The following PPP2R2B variants were observed in gnomAD, a reference collection of about 807,000 sequenced individuals.
PPP2R2B encodes protein phosphatase 2 regulatory subunit Bbeta.
In PPP2R2B, 5 loss-of-function variants were observed where a neutral mutation model predicts 46.0. The ratio of observed to expected loss-of-function variants is 0.11; its 90% confidence interval spans 0.06 to 0.23. PPP2R2B has a LOEUF of 0.23. Ranked by LOEUF, PPP2R2B falls within the 10% of genes least tolerant of loss-of-function variation. PPP2R2B has a pLI of 1.00. For missense variants in PPP2R2B, 367 were observed against 575.0 expected (o/e 0.64, Z 3.70); for synonymous variants, 215 against 206.7 (o/e 1.04, Z -0.34).
chr5:146,815,698 C>T (rs1407619941), intron 2 of PPP2R2B, among the ~76,000 whole-genome samples: 1 of 152,228 alleles, frequency 6.6e-6, no homozygotes, highest in Non-Finnish European at 1.5e-5. Context: ...TGGTTTGTGA[C>T]TCCATTTTAA....
At chr5:146,867,919 C>T (rs1246085579) in intron 2 of PPP2R2B, among the ~76,000 whole-genome samples, 3 of 152,290 alleles carry the variant, frequency 2.0e-5, no homozygotes, top group African/African-American at 7.2e-5. Flanking sequence ...TTGGGGCCTT[C>T]CTGGTTTCTG....
At position 146,600,441 on chromosome 5, in the gene PPP2R2B, A is replaced by G. The variant is rs759906165; in HGVS notation, c.810T>C (p.Asp270=). 1.9e-6 allele frequency: 3 copies of G among 1,613,694 alleles called. No individual in the cohort carries two copies. In the East Asian group the frequency reaches 6.7e-5, roughly 36 times the overall value. The change falls in exon 8 of 10, where the codon GAT becomes GAC. Residue 270 remains aspartate (D), a synonymous_variant. Coordinates refer to ENST00000394411, the MANE Select transcript of PPP2R2B (RefSeq NM_181675.4). The part of the protein sequence containing the change: ...RHTKFFEEPE[D]PSNRSFFSEI... Reference sequence around the variant, plus strand: ...CAGAGAAAAATGATCTGTTGCTTGGATCTTCCGGCTCTTCAAAAACTGCAG... The same window carrying G: ...CAGAGAAAAATGATCTGTTGCTTGGGTCTTCCGGCTCTTCAAAAACTGCAG...
chr5:146,945,428 G>A (rs762843900), intron 1 of PPP2R2B, among the ~76,000 whole-genome samples: 2 of 152,102 alleles, frequency 1.3e-5, no homozygotes, highest in Non-Finnish European at 2.9e-5. Flanking sequence ...TTTTATCTTG[G>A]AAAGCAAATA....
intron 2 of PPP2R2B, among the ~76,000 whole-genome samples, chr5:146,860,443 A>ACAC (rs1760917524): frequency 6.6e-6 from 1 of 152,192 alleles, no homozygotes; most frequent in Admixed American, 6.5e-5. Context: ...CACAGAAAAC[A>ACAC]CACCACACTT....
intron 2 of PPP2R2B, among the ~76,000 whole-genome samples, chr5:146,732,419 T>C (rs1477644580): frequency 5.3e-5 from 8 of 152,008 alleles, no homozygotes; most frequent in Non-Finnish European, 1.5e-5. Context: ...TGAAAACCAA[T>C]GGGAGGATGG....
At position 146,589,679 on chromosome 5, in the gene PPP2R2B, A is replaced by C. The variant is rs910775177; in HGVS notation, c.*268T>G. 1 of 416,208 alleles carries C rather than the reference A, an allele frequency of 2.4e-6. No homozygotes were observed. The highest frequency in any genetic ancestry group is 2.0e-5 in the African/African-American group (1 of 50,244). 25.8% of individuals were successfully genotyped at this position (416,208 alleles called of 1,614,324 possible). A position where few individuals can be genotyped will look rare whatever the true frequency, so the allele number is the denominator to read the frequency against. On this transcript the variant is annotated 3_prime_UTR_variant, in exon 10 of 10. Transcript: ENST00000394411. ...CCACCAGAGAAAACTGGGCAATAAA[A>C]GCATCAGAAGTTCAAGTCAACTATG... is the stretch of plus-strand genomic sequence containing the variant.
intron 2 of PPP2R2B, chr5:146,856,596 T>C (rs747500091): frequency 6.3e-7 from 1 of 1,590,332 alleles, no homozygotes. Flanking sequence ...GTGACAAACA[T>C]GGGGTTCAGA....
intron 1 of PPP2R2B, among the ~76,000 whole-genome samples, chr5:146,941,927 G>A (rs955489380): frequency 6.6e-6 from 1 of 152,146 alleles, no homozygotes; most frequent in Non-Finnish European, 1.5e-5. Context: ...CTGTAGAGGA[G>A]AACCTTTTAT....
At chr5:146,793,683 C>T (rs146047496) in intron 2 of PPP2R2B, among the ~76,000 whole-genome samples, 1 of 152,250 alleles carries the variant, frequency 6.6e-6, no homozygotes, top group African/African-American at 2.4e-5. Flanking sequence ...AGTCTGTGTT[C>T]CTGTCACCCA....
chr5:146,713,236 A>T (rs1338035444), intron 2 of PPP2R2B, among the ~76,000 whole-genome samples: 1 of 152,138 alleles, frequency 6.6e-6, no homozygotes, highest in Non-Finnish European at 1.5e-5. Context: ...GACAATGGAA[A>T]GACCCTAAGA....
intron 1 of PPP2R2B, among the ~76,000 whole-genome samples, chr5:147,037,469 T>A (rs1042357971): frequency 1.3e-5 from 2 of 151,956 alleles, no homozygotes; most frequent in African/African-American, 4.8e-5. Context: ...AATATATATA[T>A]GTATCAATAT....
At chr5:146,658,915 T>G (rs1776516317) in intron 5 of PPP2R2B, among the ~76,000 whole-genome samples, 1 of 152,224 alleles carries the variant, frequency 6.6e-6, no homozygotes, top group Admixed American at 6.5e-5. Context: ...TTATGCTGTT[T>G]TGATGTATTG....
chr5:146,947,931 C>T (rs1764535038), intron 1 of PPP2R2B, among the ~76,000 whole-genome samples: 2 of 151,696 alleles, frequency 1.3e-5, no homozygotes, highest in African/African-American at 4.8e-5. Context: ...ACCCAATCAC[C>T]TTCTCTGTAA....
At chr5:146,913,188 G>T (rs1763254731) in intron 1 of PPP2R2B, among the ~76,000 whole-genome samples, 1 of 152,216 alleles carries the variant, frequency 6.6e-6, no homozygotes, top group Non-Finnish European at 1.5e-5. Context: ...ATAGAGTCAA[G>T]TGCTTAAAAC....
At chr5:147,055,902 C>A in exon 1 of PPP2R2B, 1 of 1,438,832 alleles carries the variant, frequency 7.0e-7, no homozygotes, top group Non-Finnish European at 9.1e-7. Flanking sequence ...GGAGATGGGT[C>A]CCATTTTGCC....
chr5:146,834,235 T>A (rs1031942129), intron 2 of PPP2R2B, among the ~76,000 whole-genome samples: 1 of 152,188 alleles, frequency 6.6e-6, no homozygotes, highest in Non-Finnish European at 1.5e-5. Context: ...TTCATTCTCA[T>A]AGTAAGTCCA....
At chr5:146,944,543 T>C (rs1764420233) in intron 1 of PPP2R2B, among the ~76,000 whole-genome samples, 1 of 152,142 alleles carries the variant, frequency 6.6e-6, no homozygotes, top group African/African-American at 2.4e-5. Flanking sequence ...GGGTTTTATA[T>C]AGTTTGATTG....
chr5:147,062,633 C>T (rs938139610), intron 2 of PPP2R2B, among the ~76,000 whole-genome samples: 6 of 152,036 alleles, frequency 3.9e-5, no homozygotes, highest in African/African-American at 7.2e-5. Context: ...CCCATGCCAC[C>T]GTGCTCTCTG....
At chr5:146,746,927 C>T (rs566279676) in intron 2 of PPP2R2B, among the ~76,000 whole-genome samples, 5 of 152,232 alleles carry the variant, frequency 3.3e-5, no homozygotes, top group African/African-American at 7.2e-5. Context: ...ATGGCGAGTC[C>T]GAATTTTCAT....
Sources: gnomAD v4.1 joint callset for allele counts (sites outside exome capture counted in the v4.1 genomes callset) on GRCh38, gnomAD v4.1.1 for gene constraint, MANE v1.5 for transcripts, NCBI Gene and HGNC (gene_info 2026-07-23, HGNC 2026-07-21) for gene names.